HK2: variants seen among roughly 807,000 people sequenced by gnomAD.
HK2 encodes the protein hexokinase-2.
A neutral mutation model predicts 92.9 loss-of-function variants in HK2; 42 were observed. The ratio of observed to expected loss-of-function variants is 0.45; its 90% CI spans 0.35 to 0.58. HK2 has a LOEUF of 0.58. Ranked by LOEUF, HK2 falls within the 20% of genes least tolerant of loss-of-function variation. The pLI is 0.00. For synonymous variants in HK2, 422 were observed against 468.0 expected, an observed-to-expected ratio of 0.90 and a Z score of 1.27; for missense variants, 978 against 1,245.1, an observed-to-expected ratio of 0.79 and a Z score of 3.23.
intron 1 of HK2, among the ~76,000 whole-genome samples, chr2:74,840,334 G>A (rs1688275089): frequency 6.6e-6 from 1 of 151,606 alleles, no homozygotes; most frequent in Non-Finnish European, 1.5e-5. Flanking sequence ...GGCAATTGGA[G>A]GTCCTTTTCC....
At chr2:74,888,573 C>T (rs1689596010) in intron 16 of HK2, among the ~76,000 whole-genome samples, 1 of 152,138 alleles carries the variant, frequency 6.6e-6, no homozygotes, top group Admixed American at 6.5e-5. Context: ...AATTTCAGAG[C>T]CCTTTAAAAA....
intron 5 of HK2, 66 bp from the exon 6 acceptor site, chr2:74,873,778 A>C (rs1330600116): frequency 2.0e-6 from 2 of 995,028 alleles, no homozygotes; most frequent in African/African-American, 3.6e-5. Context: ...AGTGATATAT[A>C]GCTGGTGTTA....
Position 74,881,867 on chromosome 2 carries a change from G to A in HK2, c.1719+8G>A. 1 of 1,613,950 alleles carries A rather than the reference G, an allele frequency of 6.2e-7. No homozygotes were observed. Among genetic ancestry groups the A allele is most frequent in the Non-Finnish European group, 8.5e-7 (1 of 1,179,848 alleles). ...CACGGCACCGGGGACGAGGTGAGCA[G>A]GGCGGCGCCTTCAGGAGGGGGCCCC... On this transcript the variant is annotated splice_region_variant and intron_variant, in intron 11 of 17. Transcript: ENST00000290573.
intron 2 of HK2, among the ~76,000 whole-genome samples, chr2:74,861,975 A>G (rs553027434): frequency 1.6e-4 from 25 of 152,334 alleles, no homozygotes; most frequent in African/African-American, 5.8e-4. Flanking sequence ...TTCACAGGTA[A>G]GTATACCTCC....
intron 2 of HK2, among the ~76,000 whole-genome samples, chr2:74,862,305 T>C (rs911619205): frequency 1.3e-5 from 2 of 152,172 alleles, no homozygotes; most frequent in African/African-American, 4.8e-5. Flanking sequence ...CAGTGGCACA[T>C]TGGTGCTGTG....
intron 1 of HK2, 120 bp from the exon 2 acceptor site, chr2:74,854,173 T>TA: frequency 1.0e-6 from 1 of 956,088 alleles, no homozygotes; most frequent in Admixed American, 1.7e-5. Context: ...TCTTTAATAA[T>TA]AACTTTCTGT....
intron 5 of HK2, 81 bp from the exon 6 acceptor site, chr2:74,873,762 AG>A (rs1689157706): frequency 8.2e-6 from 7 of 852,092 alleles, no homozygotes; most frequent in Admixed American, 7.5e-5. Flanking sequence ...GAGGAGGAGG[AG>A]GAGGAGTGAT....
chr2:74,878,770 C>T lies in HK2; in HGVS notation c.1114C>T (p.His372Tyr). ...DPTQEDCVAT[H>Y]RICQIVSTRS... is the part of the protein sequence containing the mutation. Reference sequence around the variant, plus strand: ...GACTCAGGAGGACTGCGTGGCCACTCACCGGATCTGCCAGATCGTGTCCAC... The same window carrying T: ...GACTCAGGAGGACTGCGTGGCCACTTACCGGATCTGCCAGATCGTGTCCAC... The change falls in exon 9 of 18, where the codon CAC (histidine) becomes TAC (tyrosine). Residue 372 changes from histidine (H) to tyrosine (Y), a missense_variant. Transcript: ENST00000290573. The T allele has an allele frequency of 6.3e-7, 1 of 1,586,126 alleles. No homozygotes were observed. Among genetic ancestry groups the T allele is most frequent in the Non-Finnish European group, 8.6e-7 (1 of 1,166,336 alleles).
chr2:74,838,537 ATT>A (rs1278313162), intron 1 of HK2, among the ~76,000 whole-genome samples: 150 of 126,626 alleles, frequency 1.2e-3, no homozygotes, highest in African/African-American at 1.7e-3. Flanking sequence ...GATTCTTTCT[ATT>A]TTTTTTTTTT....
At chr2:74,838,387 G>A (rs188016466) in intron 1 of HK2, among the ~76,000 whole-genome samples, 1 of 150,798 alleles carries the variant, frequency 6.6e-6, no homozygotes, top group Non-Finnish European at 1.5e-5. Context: ...GGGGTAGTTC[G>A]CAGTTATCTC....
At chr2:74,855,494 C>T (rs1688673535) in intron 2 of HK2, among the ~76,000 whole-genome samples, 1 of 152,134 alleles carries the variant, frequency 6.6e-6, no homozygotes, top group Non-Finnish European at 1.5e-5. Context: ...CTCGGCCTCC[C>T]AAAGTGCTGG....
At chr2:74,881,293 C>A (rs910478005) in intron 10 of HK2, among the ~76,000 whole-genome samples, 1 of 152,186 alleles carries the variant, frequency 6.6e-6, no homozygotes, top group Non-Finnish European at 1.5e-5. Flanking sequence ...GATGAGCAGG[C>A]CAGTGTAGCA....
At chr2:74,872,212 C>A in intron 3 of HK2, 88 bp from the exon 4 acceptor site, 2 of 1,365,740 alleles carry the variant, frequency 1.5e-6, no homozygotes, top group Non-Finnish European at 1.0e-6. Flanking sequence ...ACACATTCAG[C>A]TAGTTACGTG....
intron 2 of HK2, among the ~76,000 whole-genome samples, chr2:74,860,665 G>A (rs1274244565): frequency 1.3e-5 from 2 of 152,166 alleles, no homozygotes; most frequent in Admixed American, 6.5e-5. Context: ...GCAGTTTCCA[G>A]TTTTTGGCTA....
intron 5 of HK2, among the ~76,000 whole-genome samples, chr2:74,873,641 A>G (rs1447084729): frequency 6.6e-6 from 1 of 152,100 alleles, no homozygotes; most frequent in African/African-American, 2.4e-5. Context: ...TCCAAGTAAG[A>G]AAGTTGGAAT....
At chr2:74,839,214 C>G (rs1315642398) in intron 1 of HK2, among the ~76,000 whole-genome samples, 1 of 152,148 alleles carries the variant, frequency 6.6e-6, no homozygotes, top group African/African-American at 2.4e-5. Context: ...AACCCAGATA[C>G]TTTTCAGTTG....
intron 12 of HK2, among the ~76,000 whole-genome samples, chr2:74,883,394 G>A (rs1689447776): frequency 6.6e-6 from 1 of 152,178 alleles, no homozygotes; most frequent in South Asian, 2.1e-4. Flanking sequence ...AGGAGGACTT[G>A]GAACAAGTCA....
Position 74,854,387 on chromosome 2 carries a change from C to T in HK2, c.158C>T (p.Ala53Val), listed in dbSNP as rs756476705. 4 of 1,614,168 alleles carry T rather than the reference C, an allele frequency of 2.5e-6. No individual in the cohort carries two copies. The Admixed American group carries it at 5.0e-5, about 20-fold the overall frequency. ...FRKEMEKGLGATTHPTAAVKM... is the reference protein window; with the variant it reads ...FRKEMEKGLGVTTHPTAAVKM... Reference sequence around the variant, plus strand: ...AAGGAGATGGAGAAAGGGCTTGGAGCCACCACTCACCCTACTGCAGCAGTG... The same window carrying T: ...AAGGAGATGGAGAAAGGGCTTGGAGTCACCACTCACCCTACTGCAGCAGTG... The change falls in exon 2 of 18, where the codon GCC (alanine) becomes GTC (valine). Residue 53 changes from alanine (A) to valine (V), a missense_variant. Coordinates refer to ENST00000290573, the MANE Select transcript of HK2 (RefSeq NM_000189.5).
rs539372674 is a variant in HK2 at position 74,852,088 on chromosome 2, G to A, written c.64-2205G>A. ...AGAGATGCTGGCACTTCCTACCTCA[G>A]AGGGCTGTTCTAAGGATGAAATGAA... On this transcript the variant is annotated intron_variant, in intron 1 of 17. Coordinates refer to ENST00000290573, the MANE Select transcript of HK2 (RefSeq NM_000189.5). 5.3e-5 allele frequency among the ~76,000 whole-genome samples: 8 copies of A among 152,328 alleles called. No individual in the cohort carries two copies. The East Asian group carries it at 1.5e-3, about 29-fold the overall frequency.
Sources: allele counts gnomAD v4.1 joint callset (sites outside exome capture counted in the v4.1 genomes callset), GRCh38; gene constraint gnomAD v4.1.1; transcripts MANE v1.5; gene names NCBI Gene and HGNC (gene_info 2026-07-23, HGNC 2026-07-21).